Variants in PKD1 observed in about 807,000 individuals in gnomAD.
The protein encoded by PKD1 is polycystin-1.
In PKD1, 81 loss-of-function variants were observed where a neutral mutation model predicts 361.7. The observed-to-expected ratio is 0.22, with a 90% CI of 0.19 to 0.27. PKD1 has a LOEUF of 0.27. Ranked by LOEUF, PKD1 falls within the 10% of genes least tolerant of loss-of-function variation. PKD1 has a pLI of 1.00. For synonymous variants in PKD1, 3,615 were observed against 2,818.3 expected (o/e 1.28, Z -8.95); for missense variants, 6,399 against 6,118.3 (o/e 1.05, Z -1.53).
At chr16:2,107,736 G>C (rs1053060886) in intron 16 of PKD1, 147 bp downstream of exon 16, 3 of 758,796 alleles carry the variant, frequency 4.0e-6, no homozygotes, top group East Asian at 5.4e-5. Context: ...CAAAGCTGAA[G>C]CAGGCTGTCG....
In PKD1 at chr16:2,112,393, G is replaced by C; in HGVS notation, c.3242C>G (p.Ser1081Trp). ...YNESFPVPDP[S>W]VAQVLVEHNV... ...GTGCTCCACCAGCACCTGGGCCACC[G>C]AGGGGTCTGGAACCGGGAAGGACTC... Residue 1081 changes from serine to tryptophan, a missense_variant, in exon 14 of 46, where the codon TCG (serine) becomes TGG (tryptophan). Ser to Trp is a radical substitution (Grantham distance 177). Coordinates refer to ENST00000262304, the MANE Select transcript of PKD1 (RefSeq NM_001009944.3). The C allele has an allele frequency of 6.3e-7, 1 of 1,587,062 alleles. No individual in the cohort carries two copies. Among genetic ancestry groups the C allele is most frequent in the South Asian group, 1.1e-5 (1 of 90,254 alleles).
Position 2,101,255 on chromosome 16 carries a change from A to G in PKD1, c.9398-689T>C, listed in dbSNP as rs559188957. On this transcript the variant is annotated intron_variant, in intron 26 of 45. Transcript: ENST00000262304. ...CTGCCTGGCCTCCCAAAGTGCTCGG[A>G]TTACAGGTGTGAGCCACCGCGCCCG... Among the ~76,000 whole-genome samples the G allele has an allele frequency of 1.4e-3, 216 of 152,230 alleles. 1 individual carries two copies. The highest frequency in any genetic ancestry group is 2.7e-3 in the Non-Finnish European group (183 of 68,022).
chr16:2,122,787 C>A (rs1239686337), intron 1 of PKD1, among the ~76,000 whole-genome samples: 1 of 152,268 alleles, frequency 6.6e-6, no homozygotes, highest in South Asian at 2.1e-4. Flanking sequence ...CCCTAAGGGG[C>A]GAGAGGTGCT....
In PKD1 at chr16:2,109,187, C is replaced by A; in HGVS notation, c.5980G>T (p.Ala1994Ser). The A allele has an allele frequency of 6.3e-7, 1 of 1,597,924 alleles. No individual in the cohort carries two copies. The highest frequency in any genetic ancestry group is 8.5e-7 in the Non-Finnish European group (1 of 1,171,260). ...IATGTERNFT[A>S]RVQRGSRVAY... ...ACCCGAGAGCCGCGCTGCACGCGGG[C>A]TGTGAAGTTCCTCTCAGTGCCCGTG... Residue 1994 changes from alanine to serine, a missense_variant, in exon 15 of 46, where the codon GCC becomes TCC. Ala to Ser is a moderately conservative substitution (Grantham distance 99). Transcript: ENST00000262304.
Position 2,114,266 on chromosome 16 carries a change from C to T in PKD1, c.2757G>A (p.Arg919=). The T allele has an allele frequency of 8.1e-6, 13 of 1,610,390 alleles. No individual in the cohort carries two copies. Among genetic ancestry groups the T allele is most frequent in the Non-Finnish European group, 1.1e-5 (13 of 1,179,648 alleles). Reference sequence around the variant, plus strand: ...CCGTCACCCGCAGGCTGAGGTTGGCCCGGCTGGCGCTGTTTTCCACCACCA... The same window carrying T: ...CCGTCACCCGCAGGCTGAGGTTGGCTCGGCTGGCGCTGTTTTCCACCACCA... ...VDVVVENSAS[R]ANLSLRVTAE... is the part of the protein sequence containing the mutation. Residue 919 remains arginine, a synonymous_variant, in exon 11 of 46, where the codon CGG becomes CGA. Transcript: ENST00000262304.
intron 11 of PKD1, chr16:2,113,818 G>C: frequency 2.4e-6 from 1 of 422,288 alleles, no homozygotes; most frequent in Non-Finnish European, 4.4e-6. Context: ...TTTCCCATCA[G>C]GGGTTCAGAC....
chr16:2,094,144 G>A lies in PKD1; in HGVS notation c.10566C>T (p.Pro3522=). The A allele has an allele frequency of 6.3e-7, 1 of 1,599,278 alleles. No individual in the cohort carries two copies. Among genetic ancestry groups the A allele is most frequent in the African/African-American group, 1.3e-5 (1 of 74,798 alleles). ...GCTGTTCCCAGTTCAGGCCTGGGCT[G>A]GGTGGCCCCAGCTCCCCCAGCCTCT... ...ALQRLGELGP[P]SPGLNWEQPQ... The change falls in exon 35 of 46, where the codon CCC becomes CCT. Residue 3522 remains proline (P), a synonymous_variant. Coordinates refer to ENST00000262304, the MANE Select transcript of PKD1 (RefSeq NM_001009944.3).
chr16:2,134,544 C>T (rs1596634356), intron 1 of PKD1, among the ~76,000 whole-genome samples: 3 of 149,456 alleles, frequency 2.0e-5, no homozygotes, highest in South Asian at 2.1e-4. Context: ...TAGTCCCCTC[C>T]GCCCTTTTCA....
In PKD1 at chr16:2,106,556, T is replaced by C. The variant is rs1421177729; in HGVS notation, c.7331A>G (p.Tyr2444Cys). Residue 2444 changes from tyrosine (Y) to cysteine (C), a missense_variant, in exon 18 of 46, where the codon TAC (tyrosine) becomes TGC (cysteine). Physicochemically the swap from Tyr to Cys is radical, Grantham distance 194 (BLOSUM62 -2). Transcript: ENST00000262304. This position sits in a 1 kb window ranked among gnomAD's most constrained non-coding sequence, Gnocchi z 6.5. ...RRGVLRDGEG[Y>C]TFTLTVLGRS... is the part of the protein sequence containing the mutation. ...GCCCAGCACCGTGAGCGTGAAGGTG[T>C]ATCCCTCGCCGTCCCGCAGCACGCC... is the stretch of plus-strand genomic sequence containing the variant. 2 of 1,596,532 alleles carry C rather than the reference T, an allele frequency of 1.3e-6. No homozygotes were observed. The highest frequency in any genetic ancestry group is 1.7e-6 in the Non-Finnish European group (2 of 1,179,038).
intron 1 of PKD1, among the ~76,000 whole-genome samples, chr16:2,132,570 G>A (rs1359754748): frequency 1.2e-4 from 14 of 114,806 alleles, no homozygotes; most frequent in East Asian, 2.4e-4. Context: ...GCAAGACTCC[G>A]TCTCAAAAAA....
rs1222076544 is a variant in PKD1 at position 2,103,969 on chromosome 16, C to T, written c.8162-74G>A. On this transcript the variant is annotated intron_variant, in intron 22 of 45. Transcript: ENST00000262304. The stretch of plus-strand genomic sequence containing the variant: ...GTGGGGGCAGGCAAAAAGGGGGAGC[C>T]GGAGGGTGGGGGCTGGGAGAAAGGG... 707 of 70,890 alleles carry T rather than the reference C, an allele frequency of 1.0e-2. No individual in the cohort carries two copies. The highest frequency in any genetic ancestry group is 0.012 in the Non-Finnish European group (468 of 38,244). 4.4% of individuals were successfully genotyped at this position (70,890 alleles called of 1,614,324 possible). A position where few individuals can be genotyped will look rare whatever the true frequency, so the allele number is the denominator to read the frequency against.
At chr16:2,103,938 G>C in intron 22 of PKD1, 43 bp from the exon 23 acceptor site, 1 of 1,387,006 alleles carries the variant, frequency 7.2e-7, no homozygotes, top group Non-Finnish European at 9.6e-7. Context: ...GGGAGGTAGA[G>C]GGAGGGTGGG....
chr16:2,112,033 T>G (rs1270451493), intron 14 of PKD1, among the ~76,000 whole-genome samples, 162 bp from the exon 15 acceptor site: 1 of 152,140 alleles, frequency 6.6e-6, no homozygotes, highest in Admixed American at 6.5e-5. Context: ...GGAGCACAGG[T>G]GTAGCAGCAC....
rs1456651270 is a variant in PKD1, at chr16:2,112,482, G to A, written c.3162-9C>T. 3 of 1,586,506 alleles carry A rather than the reference G, an allele frequency of 1.9e-6. No individual in the cohort carries two copies. The highest frequency in any genetic ancestry group is 2.6e-6 in the Non-Finnish European group (3 of 1,174,858). ...CATCCCCAAAGGTCCACCTGCCGGGGCGGTGGGACGCAGTGAGTGAACCGG... is the reference window on the plus strand; with the variant it reads ...CATCCCCAAAGGTCCACCTGCCGGGACGGTGGGACGCAGTGAGTGAACCGG... On this transcript the variant is annotated splice_polypyrimidine_tract_variant and intron_variant, in intron 13 of 45. Transcript: ENST00000262304.
intron 30 of PKD1, 102 bp downstream of exon 30, chr16:2,099,542 G>C: frequency 9.5e-7 from 1 of 1,055,742 alleles, no homozygotes; most frequent in Admixed American, 2.0e-5. Flanking sequence ...TTTGGTGGAC[G>C]CCTTTCCCTC....
chr16:2,097,332 G>A lies in PKD1; in HGVS notation c.10392C>T (p.Ser3464=), dbSNP rs139959856. The change falls in exon 33 of 46, where the codon TCC becomes TCT. Residue 3464 remains serine, a synonymous_variant. Transcript: ENST00000262304. ...SLASPYSPAK[S]FSASDEDLIQ... ...ACCCCAGCTCACCTGATGCTGAGAAGGATTTGGCAGGCGAGTAGGGGCTGG... is the reference window on the plus strand; with the variant it reads ...ACCCCAGCTCACCTGATGCTGAGAAAGATTTGGCAGGCGAGTAGGGGCTGG... The A allele has an allele frequency of 1.9e-6, 3 of 1,612,850 alleles. No homozygotes were observed. Among genetic ancestry groups the A allele is most frequent in the East Asian group, 2.2e-5 (1 of 44,884 alleles).
Position 2,106,599 on chromosome 16 carries a change from G to C in PKD1, c.7288C>G (p.Arg2430Gly). 1.3e-6 allele frequency: 2 copies of C among 1,598,092 alleles called. No individual in the cohort carries two copies. The highest frequency in any genetic ancestry group is 1.7e-6 in the Non-Finnish European group (2 of 1,178,846). ...TTTSTGSAGM[R>G]LVLRRGVLRD... ...AGCACGCCCCGCCGCAGCACCAGTCGCATGCCTGCACTGCCCGTGGATGTG... is the reference window on the plus strand; with the variant it reads ...AGCACGCCCCGCCGCAGCACCAGTCCCATGCCTGCACTGCCCGTGGATGTG... Residue 2430 changes from arginine to glycine, a missense_variant, in exon 18 of 46, where the codon CGA (arginine) becomes GGA (glycine). By Grantham distance (125) the Arg-to-Gly change is moderately radical (BLOSUM62 -2). Coordinates refer to ENST00000262304, the MANE Select transcript of PKD1 (RefSeq NM_001009944.3). This position sits in a 1 kb window ranked among gnomAD's most constrained non-coding sequence, Gnocchi z 6.5.
Position 2,089,479 on chromosome 16 carries a change from C to T in PKD1, c.*248G>A. On this transcript the variant is annotated 3_prime_UTR_variant, in exon 46 of 46. Transcript: ENST00000262304. Reference sequence around the variant, plus strand: ...GACTCGGGGAAATAAATTAGCATCTCAGAGGCTAGAAACCGTCCAATACTG... The same window carrying T: ...GACTCGGGGAAATAAATTAGCATCTTAGAGGCTAGAAACCGTCCAATACTG... The T allele has an allele frequency of 5.3e-6, 3 of 565,082 alleles. No individual in the cohort carries two copies. The highest frequency in any genetic ancestry group is 9.5e-6 in the Non-Finnish European group (3 of 317,406). The allele number at this position is 565,082 out of a possible 1,614,324, so 35.0% of individuals were successfully genotyped here.
At chr16:2,123,122 C>T (rs3898764) in intron 1 of PKD1, among the ~76,000 whole-genome samples, 31 of 152,186 alleles carry the variant, frequency 2.0e-4, no homozygotes, top group Non-Finnish European at 3.2e-4. Context: ...ACTTCTTCCA[C>T]GCCAGCAGGC....
Sources: allele counts gnomAD v4.1 joint callset (sites outside exome capture counted in the v4.1 genomes callset), GRCh38; gene constraint gnomAD v4.1.1; non-coding constraint Gnocchi (gnomAD v3.1); transcripts MANE v1.5; gene names NCBI Gene and HGNC (gene_info 2026-07-23, HGNC 2026-07-21).